TPM1: variants seen among roughly 807,000 people sequenced by gnomAD.
The protein encoded by TPM1 is tropomyosin 1.
In TPM1, 24 loss-of-function variants were observed where a neutral mutation model predicts 42.9. That is an observed-to-expected ratio of 0.56 (90% CI 0.41 to 0.79). The LOEUF (loss-of-function observed/expected upper bound fraction) is 0.79, where lower values mean the gene tolerates loss of function less well. Ranked by LOEUF, TPM1 falls within the 30% of genes least tolerant of loss-of-function variation. The probability of loss-of-function intolerance (pLI) is 0.00; values close to 1 mark genes in which losing one functional copy is unlikely to be tolerated. For missense variants in TPM1, 158 were observed against 351.8 expected, an observed-to-expected ratio of 0.45 and a Z score of 4.41; for synonymous variants, 136 against 130.1, an observed-to-expected ratio of 1.05 and a Z score of -0.31.
At chr15:63,065,719 C>A (rs569095831) in intron 9 of TPM1, 177 bp from the exon 10 acceptor site, 1 of 932,228 alleles carries the variant, frequency 1.1e-6, no homozygotes, top group African/African-American at 1.8e-5. Flanking sequence ...CGGCCTGTGA[C>A]GGCCTCAGGT....
chr15:63,043,422 G>A (rs1462312970), intron 1 of TPM1: 7 of 639,550 alleles, frequency 1.1e-5, no homozygotes, highest in South Asian at 1.5e-5. Flanking sequence ...GGAGGCTACA[G>A]CCCGAAAGCC....
Position 63,056,833 on chromosome 15 carries a change from CCA to C in TPM1, c.241-151_241-150del, listed in dbSNP as rs531459948. 7.4e-5 allele frequency: 73 copies of C among 984,946 alleles called. No individual in the cohort carries two copies. In the African/African-American group the frequency reaches 1.1e-3, roughly 15 times the overall value. 61.0% of individuals were successfully genotyped at this position (984,946 alleles called of 1,614,324 possible). On this transcript the variant is annotated intron_variant, in intron 2 of 9. Coordinates refer to ENST00000403994, the MANE Select transcript of TPM1 (RefSeq NM_001018005.2). Reference sequence around the variant, plus strand: ...CAATGTGTAAATGTGTCCGAGAACTCCAGAGTTGATGAGGGCTTGTAATGCAC... The same window carrying C: ...CAATGTGTAAATGTGTCCGAGAACTCGAGTTGATGAGGGCTTGTAATGCAC...
At position 63,062,787 on chromosome 15, in the gene TPM1, C is replaced by T. The variant is rs555024045; in HGVS notation, c.772+142C>T. On this transcript the variant is annotated intron_variant, in intron 8 of 9. Transcript: ENST00000403994. ...TTCCTGTGTGTCCTCTGGGGTTTTT[C>T]TCTGTGGCTCTTGAACTCATGAACC... The T allele has an allele frequency of 9.0e-6, 14 of 1,549,848 alleles. No homozygotes were observed. In the Admixed American group the frequency reaches 1.2e-4, roughly 13 times the overall value.
chr15:63,058,782 C>G (rs2035180543), intron 3 of TPM1, among the ~76,000 whole-genome samples: 1 of 152,196 alleles, frequency 6.6e-6, no homozygotes, highest in African/African-American at 2.4e-5. Flanking sequence ...TTCCATTTTA[C>G]ATGACTTGTT....
In TPM1 at chr15:63,062,631, T is replaced by C; in HGVS notation, c.758T>C (p.Ile253Thr). The change falls in exon 8 of 10, where the codon ATT becomes ACT. Residue 253 changes from isoleucine to threonine, a missense_variant. Ile to Thr is a moderately conservative substitution (Grantham distance 89, BLOSUM62 -1). Coordinates refer to ENST00000403994, the MANE Select transcript of TPM1 (RefSeq NM_001018005.2). Reference sequence around the variant, plus strand: ...TCAGTAACTAAATTGGAGAAAAGCATTGATGACTTAGAAGGTAAGATCTTA... The same window carrying C: ...TCAGTAACTAAATTGGAGAAAAGCACTGATGACTTAGAAGGTAAGATCTTA... ...ERSVTKLEKSIDDLEDELYAQ... is the reference protein window; with the variant it reads ...ERSVTKLEKSTDDLEDELYAQ... The C allele has an allele frequency of 6.2e-7, 1 of 1,614,250 alleles. No homozygotes were observed. Among genetic ancestry groups the C allele is most frequent in the Non-Finnish European group, 8.5e-7 (1 of 1,180,042 alleles).
intron 2 of TPM1, chr15:63,048,606 C>T (rs777033105): frequency 1.3e-6 from 2 of 1,532,898 alleles, no homozygotes; most frequent in Non-Finnish European, 1.8e-6. Flanking sequence ...GGAGGCGGTG[C>T]GCAGGAAGAT....
intron 9 of TPM1, chr15:63,064,978 G>T: frequency 9.1e-6 from 9 of 984,904 alleles, no homozygotes; most frequent in Non-Finnish European, 8.4e-6. Context: ...AGAAAAAAAA[G>T]AATGGTAGAG....
intron 2 of TPM1, chr15:63,054,430 C>T (rs982674837): frequency 6.6e-6 from 1 of 152,190 alleles, no homozygotes; most frequent in Non-Finnish European, 1.5e-5. Flanking sequence ...GGTAGGGGCC[C>T]TTTGGGTAGG....
rs1465245946 is a variant in TPM1 at position 63,048,748 on chromosome 15, A to C, written c.240+4596A>C. On this transcript the variant is annotated intron_variant, in intron 2 of 9. Transcript: ENST00000403994. The stretch of plus-strand genomic sequence containing the variant: ...ATCACCCCGCAGCCCCCAGAGGCGC[A>C]TCCTCCCGGGGCAGCCCCGCAGGGC... 6 of 1,522,252 alleles carry C rather than the reference A, an allele frequency of 3.9e-6. No homozygotes were observed. The East Asian group carries it at 1.5e-4, about 39-fold the overall frequency. The allele number at this position is 1,522,252 out of a possible 1,614,324, so 94.3% of individuals were successfully genotyped here.
Sources: gnomAD v4.1 joint callset for allele counts (sites outside exome capture counted in the v4.1 genomes callset) on GRCh38, gnomAD v4.1.1 for gene constraint, MANE v1.5 for transcripts, NCBI Gene and HGNC (gene_info 2026-07-23, HGNC 2026-07-21) for gene names.